The following AMPD3 variants were observed in gnomAD, a reference collection of about 807,000 sequenced individuals.
AMPD3 encodes the protein adenosine monophosphate deaminase 3.
AMPD3 carries 57 observed loss-of-function variants against 82.3 expected under a neutral mutation model. The observed-to-expected ratio is 0.69, with a 90% confidence interval of 0.56 to 0.86. AMPD3 has a LOEUF of 0.86. AMPD3 is among the 40% of genes least tolerant of loss of function. AMPD3 has a pLI of 0.00. For synonymous variants in AMPD3, 381 were observed against 394.7 expected (o/e 0.97, Z 0.41); for missense variants, 870 against 1,003.8 (o/e 0.87, Z 1.80).
chr11:10,468,537 A>G (rs1848489185), intron 2 of AMPD3, among the ~76,000 whole-genome samples: 1 of 152,232 alleles, frequency 6.6e-6, no homozygotes, highest in African/African-American at 2.4e-5. Context: ...TTAGAGACCT[A>G]CAAAGAGACT....
chr11:10,503,626 A>G (rs1297300679), intron 13 of AMPD3, among the ~76,000 whole-genome samples: 6 of 152,200 alleles, frequency 3.9e-5, no homozygotes, highest in Non-Finnish European at 8.8e-5. Context: ...TAAAATATTT[A>G]TTATCTCATT....
rs374252233 is a variant in AMPD3 at position 10,493,488 on chromosome 11, A to G, written c.1079A>G (p.Asp360Gly). The stretch of plus-strand genomic sequence containing the variant: ...AAGATCACCCTGCGGCAGGTGTTTG[A>G]CGGCCTGCACATGGACCCCTACGAC... ...GRKITLRQVF[D>G]GLHMDPYDLT... The change falls in exon 7 of 15, where the codon GAC becomes GGC. Residue 360 changes from aspartate (D) to glycine (G), a missense_variant. Coordinates refer to ENST00000396553, the MANE Select transcript of AMPD3 (RefSeq NM_001025389.2). The G allele has an allele frequency of 8.8e-5, 142 of 1,614,044 alleles. No individual in the cohort carries two copies. Among genetic ancestry groups the G allele is most frequent in the Non-Finnish European group, 1.1e-4 (135 of 1,180,034 alleles).
At chr11:10,486,154 G>C (rs895075712) in intron 5 of AMPD3, among the ~76,000 whole-genome samples, 62 of 152,260 alleles carry the variant, frequency 4.1e-4, no homozygotes, top group Middle Eastern at 3.4e-3. Context: ...GTCCCATCTG[G>C]GAGGCTGTGA....
At chr11:10,458,405 G>A (rs1391786528) in intron 1 of AMPD3, among the ~76,000 whole-genome samples, 1 of 151,936 alleles carries the variant, frequency 6.6e-6, no homozygotes, top group East Asian at 1.9e-4. Flanking sequence ...AGAGTCTTAA[G>A]TCTACTCATT....
intron 4 of AMPD3, among the ~76,000 whole-genome samples, chr11:10,483,072 G>A (rs1260619631): frequency 1.3e-5 from 2 of 152,202 alleles, no homozygotes. Context: ...CTATCTCCCA[G>A]GGCTGTCGTG....
chr11:10,473,169 C>T (rs571753893), intron 2 of AMPD3, among the ~76,000 whole-genome samples: 81 of 152,300 alleles, frequency 5.3e-4, no homozygotes, highest in African/African-American at 1.9e-3. Context: ...TTTTGGTAGG[C>T]TGAGGCACGA....
chr11:10,497,423 G>C (rs989385393), intron 10 of AMPD3, among the ~76,000 whole-genome samples: 2 of 152,242 alleles, frequency 1.3e-5, no homozygotes, highest in Admixed American at 6.5e-5. Context: ...AGGAGAAGGA[G>C]AGGAGCAGTC....
rs1051647212 is a variant in AMPD3 at position 10,490,718 on chromosome 11, T to C, written c.940-2631T>C. On this transcript the variant is annotated intron_variant, in intron 6 of 14. Coordinates refer to ENST00000396553, the MANE Select transcript of AMPD3 (RefSeq NM_001025389.2). ...AGGACAGGCTGACCCCCCTGTGGTG[T>C]GTCATTGGTAAGCCAGAGGACAGGA... 8.8e-6 allele frequency: 8 copies of C among 909,378 alleles called. No individual in the cohort carries two copies. The African/African-American group carries it at 9.0e-5, about 10-fold the overall frequency. The allele number at this position is 909,378 out of a possible 1,614,324, so 56.3% of individuals were successfully genotyped here. A position where few individuals can be genotyped will look rare whatever the true frequency, so the allele number is the denominator to read the frequency against.
At chr11:10,497,804 G>A (rs1038813059) in intron 10 of AMPD3, 53 of 985,290 alleles carry the variant, frequency 5.4e-5, no homozygotes, top group Middle Eastern at 5.2e-4. Flanking sequence ...GCTCACACTC[G>A]TGCGTGCTTC....
rs930392663 is a variant in AMPD3 at position 10,477,057 on chromosome 11, C to T, written c.222-1469C>T. On this transcript the variant is annotated intron_variant, in intron 2 of 14. Coordinates refer to ENST00000396553, the MANE Select transcript of AMPD3 (RefSeq NM_001025389.2). ...GAGAACCAGAGGGCCATGGCAAGCA[C>T]TGGGTGTGTAAACACGGGAGGAGAA... 7.8e-5 allele frequency: 77 copies of T among 985,484 alleles called. No individual in the cohort carries two copies. The Middle Eastern group carries it at 2.6e-3, about 33-fold the overall frequency. 61.0% of individuals were successfully genotyped at this position (985,484 alleles called of 1,614,324 possible). A position where few individuals can be genotyped will look rare whatever the true frequency, so the allele number is the denominator to read the frequency against.
intron 11 of AMPD3, 96 bp downstream of exon 11, chr11:10,500,345 T>C: frequency 6.7e-7 from 1 of 1,496,416 alleles, no homozygotes; most frequent in Non-Finnish European, 9.2e-7. Context: ...GATCCTTGTG[T>C]CCGTGTGCAC....
chr11:10,481,308 G>A (rs796404732), intron 3 of AMPD3: 5 of 383,788 alleles, frequency 1.3e-5, no homozygotes, highest in African/African-American at 2.2e-5. Context: ...GTTTTGTTTC[G>A]CCATCTGAAG....
chr11:10,503,213 G>A (rs1280655119), intron 13 of AMPD3, among the ~76,000 whole-genome samples: 1 of 152,172 alleles, frequency 6.6e-6, no homozygotes, highest in Non-Finnish European at 1.5e-5. Context: ...CTGTAAAATG[G>A]AGATAAAATT....
upstream of AMPD3, among the ~76,000 whole-genome samples, chr11:10,451,832 C>T (rs1266461472): frequency 6.6e-6 from 1 of 152,214 alleles, no homozygotes; most frequent in Non-Finnish European, 1.5e-5. Context: ...CTGCCTGCAG[C>T]TGGAACCTGC....
intron 2 of AMPD3, among the ~76,000 whole-genome samples, chr11:10,463,975 G>A (rs1564839806): frequency 6.6e-6 from 1 of 152,112 alleles, no homozygotes; most frequent in South Asian, 2.1e-4. Context: ...GCAACTTCTT[G>A]GACCTCTGTG....
chr11:10,484,971 C>T lies in AMPD3; in HGVS notation c.741C>T (p.Pro247=). The change falls in exon 5 of 15, where the codon CCC becomes CCT. Residue 247 remains proline, a synonymous_variant. Coordinates refer to ENST00000396553, the MANE Select transcript of AMPD3 (RefSeq NM_001025389.2). ...AGCACCAGGAGCCGCACAGCCTACC[C>T]TACCCCGACCTGGAGACCTACACGG... The part of the protein sequence containing the change: ...MLEHQEPHSL[P]YPDLETYTVD... The T allele has an allele frequency of 6.2e-7, 1 of 1,606,836 alleles. No homozygotes were observed. The highest frequency in any genetic ancestry group is 8.5e-7 in the Non-Finnish European group (1 of 1,177,118).
intron 2 of AMPD3, among the ~76,000 whole-genome samples, chr11:10,477,388 C>T (rs140142118): frequency 4.8e-4 from 73 of 152,152 alleles, no homozygotes; most frequent in African/African-American, 1.7e-3. Flanking sequence ...GTGGGGAGGC[C>T]GGGTTCCACT....
At chr11:10,488,151 G>T (rs1164489758) in intron 6 of AMPD3, 6 of 953,056 alleles carry the variant, frequency 6.3e-6, no homozygotes, top group Non-Finnish European at 7.5e-6. Flanking sequence ...CTTGTCCGGG[G>T]CTCCTGGCAG....
chr11:10,487,007 A>G, intron 5 of AMPD3: 1 of 985,372 alleles, frequency 1.0e-6, no homozygotes, highest in Non-Finnish European at 1.2e-6. Flanking sequence ...ATGAGGTCCC[A>G]GAGCTGGCCT....
Sources: gnomAD v4.1 joint callset for allele counts (sites outside exome capture counted in the v4.1 genomes callset) on GRCh38, gnomAD v4.1.1 for gene constraint, MANE v1.5 for transcripts, NCBI Gene and HGNC (gene_info 2026-07-23, HGNC 2026-07-21) for gene names.